IRAK1BP1: variants seen among roughly 807,000 people sequenced by gnomAD.
The protein encoded by IRAK1BP1 is interleukin-1 receptor-associated kinase 1-binding protein 1.
A neutral mutation model predicts 28.0 loss-of-function variants in IRAK1BP1; 24 were observed. The ratio of observed to expected loss-of-function variants is 0.86; its 90% CI spans 0.62 to 1.20. The LOEUF is 1.20. Ranked by LOEUF, IRAK1BP1 falls within the 50% of genes most tolerant of loss-of-function variation. The pLI is 0.00. For synonymous variants in IRAK1BP1, 131 were observed against 116.3 expected (o/e 1.13, Z -0.81); for missense variants, 336 against 316.7 (o/e 1.06, Z -0.46).
At chr6:78,905,711 C>T (rs1454713513), downstream of IRAK1BP1, among the ~76,000 whole-genome samples, 1 of 152,282 alleles carries the variant, frequency 6.6e-6, no homozygotes, top group East Asian at 1.9e-4. Context: ...AAGTGATTCT[C>T]CTGCCTCAGC....
the IRAK1BP1 span, chr6:78,954,875 A>G: frequency 6.3e-7 from 1 of 1,585,152 alleles, no homozygotes; most frequent in African/African-American, 1.4e-5. Context: ...TTGAAATATG[A>G]GATTTAACAA....
intron 1 of IRAK1BP1, among the ~76,000 whole-genome samples, chr6:78,879,262 A>G (rs975857700): frequency 2.6e-5 from 4 of 152,168 alleles, no homozygotes; most frequent in African/African-American, 9.7e-5. Flanking sequence ...TGACGAGTTA[A>G]TGGGTGCAGC....
chr6:78,884,854 A>G (rs1423941338), intron 1 of IRAK1BP1, among the ~76,000 whole-genome samples: 1 of 152,134 alleles, frequency 6.6e-6, no homozygotes, highest in Non-Finnish European at 1.5e-5. Context: ...CTAACTTCAT[A>G]CTTTCATTAT....
At chr6:78,885,482 G>A (rs1244173286) in intron 2 of IRAK1BP1, 39 bp downstream of exon 2, 1 of 980,878 alleles carries the variant, frequency 1.0e-6, no homozygotes, top group Non-Finnish European at 1.5e-6. Context: ...GCATGATTTT[G>A]TGGAGACAGT....
rs1432726929 is a variant in IRAK1BP1 at position 78,903,044 on chromosome 6, C to T, written c.*4710C>T. 6.5e-6 allele frequency: 10 copies of T among 1,533,586 alleles called. No individual in the cohort carries two copies. The Middle Eastern group carries it at 8.3e-4, about 128-fold the overall frequency. The allele number at this position is 1,533,586 out of a possible 1,614,324, so 95.0% of individuals were successfully genotyped here. A position where few individuals can be genotyped will look rare whatever the true frequency, so the allele number is the denominator to read the frequency against. ...CCAACCAACAATTACTCCCAGATAG[C>T]CATGTCACCTGTGAATTATCATGAA... On this transcript the variant is annotated 3_prime_UTR_variant, in exon 4 of 4. Coordinates refer to ENST00000369940, the MANE Select transcript of IRAK1BP1 (RefSeq NM_001010844.4).
intron 4 of IRAK1BP1, chr6:78,935,431 ACCTTCT>A: frequency 2.3e-6 from 2 of 876,190 alleles, no homozygotes; most frequent in South Asian, 1.1e-4. Context: ...AACTGCAATA[ACCTTCT>A]TTCCATCATT....
chr6:78,969,581 CTT>C, the IRAK1BP1 span, among the ~76,000 whole-genome samples: 2 of 152,044 alleles, frequency 1.3e-5, no homozygotes, highest in Non-Finnish European at 2.9e-5. Flanking sequence ...AAAAATTTAA[CTT>C]AACATGTAAA....
chr6:78,953,527 GC>G, the IRAK1BP1 span, among the ~76,000 whole-genome samples: 3 of 152,148 alleles, frequency 2.0e-5, no homozygotes, highest in Admixed American at 6.5e-5. Context: ...AGAAATGAAA[GC>G]CAGAACATTA....
the IRAK1BP1 span, chr6:78,955,000 C>G: frequency 7.0e-7 from 1 of 1,418,948 alleles, no homozygotes; most frequent in South Asian, 1.4e-5. Context: ...AATAAAAGAG[C>G]ACTTACACAA....
At chr6:78,892,698 A>G (rs779653998) in intron 2 of IRAK1BP1, among the ~76,000 whole-genome samples, 2 of 152,162 alleles carry the variant, frequency 1.3e-5, no homozygotes, top group African/African-American at 2.4e-5. Context: ...CACATGCTCA[A>G]AAGTTAAGGA....
At chr6:78,876,694 T>TC (rs888679693) in intron 1 of IRAK1BP1, among the ~76,000 whole-genome samples, 3 of 152,116 alleles carry the variant, frequency 2.0e-5, no homozygotes, top group African/African-American at 7.2e-5. Context: ...CTGAAACTGT[T>TC]CAAGTTTTAA....
rs1772017510 is a variant in IRAK1BP1, at chr6:78,899,362, A to G, written c.*1028A>G. ...GAGACCATTTTGGTAAGATGCAGAT[A>G]ACAACCCCAACCTTAACAACTTCAC... On this transcript the variant is annotated 3_prime_UTR_variant, in exon 4 of 4. Coordinates refer to ENST00000369940, the MANE Select transcript of IRAK1BP1 (RefSeq NM_001010844.4). 1 of 152,208 alleles carries G rather than the reference A, an allele frequency of 6.6e-6. No homozygotes were observed. Among genetic ancestry groups the G allele is most frequent in the South Asian group, 2.1e-4 (1 of 4,828 alleles). 9.4% of individuals were successfully genotyped at this position (152,208 alleles called of 1,614,324 possible). A position where few individuals can be genotyped will look rare whatever the true frequency, so the allele number is the denominator to read the frequency against.
At chr6:78,945,749 G>A (rs1041601629) in exon 5 of IRAK1BP1, 5 of 599,342 alleles carry the variant, frequency 8.3e-6, no homozygotes, top group African/African-American at 7.5e-5. Flanking sequence ...GCTAGCTAGT[G>A]TGGGTACTGT....
intron 1 of IRAK1BP1, among the ~76,000 whole-genome samples, chr6:78,870,252 A>G (rs1770750278): frequency 6.6e-6 from 1 of 152,016 alleles, no homozygotes; most frequent in Non-Finnish European, 1.5e-5. Flanking sequence ...GTCTCAAAAA[A>G]AAAAAGAAAA....
In IRAK1BP1 at chr6:78,946,394, T is replaced by A. The variant is rs891942486; in HGVS notation, c.*1054T>A. The A allele has an allele frequency of 1.5e-5, 21 of 1,392,618 alleles. No individual in the cohort carries two copies. The African/African-American group carries it at 2.2e-4, about 15-fold the overall frequency. 86.3% of individuals were successfully genotyped at this position (1,392,618 alleles called of 1,614,324 possible). The stretch of plus-strand genomic sequence containing the variant: ...AATATGAGATTTATAGTGGATTTCA[T>A]ATGATTGTGAGCCTTTGAAAGTGAA... On this transcript the variant is annotated 3_prime_UTR_variant and NMD_transcript_variant, in exon 5 of 5. Transcript: ENST00000606868.
At chr6:78,973,090 T>G in the IRAK1BP1 span, among the ~76,000 whole-genome samples, 4 of 151,698 alleles carry the variant, frequency 2.6e-5, no homozygotes, top group Non-Finnish European at 4.4e-5. Context: ...TTCACCAAAG[T>G]TGAAATGAAG....
downstream of IRAK1BP1, among the ~76,000 whole-genome samples, chr6:78,903,276 A>T (rs1291343078): frequency 6.6e-6 from 1 of 152,140 alleles, no homozygotes; most frequent in East Asian, 1.9e-4. Context: ...TGAGACCAAG[A>T]GTTTGAAACC....
At chr6:78,944,368 C>T (rs1043570201) in intron 4 of IRAK1BP1, among the ~76,000 whole-genome samples, 6 of 152,116 alleles carry the variant, frequency 3.9e-5, no homozygotes, top group African/African-American at 9.7e-5. Context: ...ATAAAAAGAT[C>T]GCTTTGGCTG....
intron 4 of IRAK1BP1, chr6:78,941,191 G>A: frequency 6.2e-7 from 1 of 1,613,760 alleles, no homozygotes; most frequent in Admixed American, 1.7e-5. Flanking sequence ...CCCTTTTCTT[G>A]TGTATAATTT....
Sources: allele counts gnomAD v4.1 joint callset (sites outside exome capture counted in the v4.1 genomes callset), GRCh38; gene constraint gnomAD v4.1.1; transcripts MANE v1.5; gene names NCBI Gene and HGNC (gene_info 2026-07-23, HGNC 2026-07-21).